Variants in WFDC6 observed in about 807,000 individuals in gnomAD.
WFDC6 encodes WAP four-disulfide core domain protein 6.
Under a neutral mutation model 8.2 loss-of-function variants are expected in WFDC6, and 10 were observed. That is an observed-to-expected ratio of 1.22 (90% confidence interval 0.75 to 2.07). WFDC6 has a LOEUF of 2.07. Ranked by LOEUF, WFDC6 falls within the 30% of genes most tolerant of loss-of-function variation. The pLI is 0.00. For synonymous variants in WFDC6, 28 were observed against 37.0 expected (o/e 0.76, Z 0.88); for missense variants, 105 against 104.9 (o/e 1.00, Z 0.00).
intron 2 of WFDC6, chr20:45,535,406 C>T (rs1256951638): frequency 1.7e-6 from 2 of 1,211,854 alleles, no homozygotes; most frequent in Non-Finnish European, 1.1e-6. Context: ...CTTCTCTGGC[C>T]ACCATTCCCT....
intron 2 of WFDC6, among the ~76,000 whole-genome samples, chr20:45,534,760 T>C (rs529974258): frequency 2.6e-5 from 4 of 152,338 alleles, no homozygotes; most frequent in Admixed American, 6.5e-5. Flanking sequence ...TGATTTGGTT[T>C]GGCCAATAAA....
chr20:45,538,403 C>T (rs753825639), intron 1 of WFDC6, among the ~76,000 whole-genome samples: 3 of 152,194 alleles, frequency 2.0e-5, no homozygotes, highest in Admixed American at 6.5e-5. Flanking sequence ...TGGTTGCTCC[C>T]CCAGGAGGTG....
At position 45,538,040 on chromosome 20, in the gene WFDC6, G is replaced by A; in HGVS notation, c.146C>T (p.Thr49Ile). 6 of 1,613,976 alleles carry A rather than the reference G, an allele frequency of 3.7e-6. No homozygotes were observed. The highest frequency in any genetic ancestry group is 5.1e-6 in the Non-Finnish European group (6 of 1,179,928). Residue 49 changes from threonine (T) to isoleucine (I), a missense_variant, in exon 2 of 3, where the codon ACC becomes ATC. By Grantham distance (89) the Thr-to-Ile change is moderately conservative. Coordinates refer to ENST00000372670, the MANE Select transcript of WFDC6 (RefSeq NM_080827.2). ...GTTTTCTGGGCAATCTCTGGGTTTG[G>A]TACACTGGTCTATTTCTTCCACTTC... ...ECEVEEIDQC[T>I]KPRDCPENMK...
chr20:45,537,686 G>A, intron 2 of WFDC6: 6 of 1,145,784 alleles, frequency 5.2e-6, no homozygotes, highest in Non-Finnish European at 5.1e-6. Context: ...GTAGCCAAGA[G>A]ACCATGTGGT....
Position 45,539,402 on chromosome 20 carries a change from T to A in WFDC6, c.6A>T (p.Gly2=). 6.2e-7 allele frequency: 1 copy of A among 1,613,438 alleles called. No individual in the cohort carries two copies. The highest frequency in any genetic ancestry group is 8.5e-7 in the Non-Finnish European group (1 of 1,179,672). The part of the protein sequence containing the change: M[G]LSGLLPILVP... ...CCAGGATTGGCAGAAGTCCTGAGAG[T>A]CCCATTTTAGGAAGTACTGGCCTGG... Residue 2 remains glycine (G), a synonymous_variant, in exon 1 of 3, where the codon GGA becomes GGT. Transcript: ENST00000372670.
Position 45,538,091 on chromosome 20 carries a change from G to T in WFDC6, c.95C>A (p.Pro32Gln). The T allele has an allele frequency of 6.2e-7, 1 of 1,613,782 alleles. No homozygotes were observed. The highest frequency in any genetic ancestry group is 8.5e-7 in the Non-Finnish European group (1 of 1,179,838). Residue 32 changes from proline (P) to glutamine (Q), a missense_variant, in exon 2 of 3, where the codon CCG becomes CAG. By Grantham distance (76) the Pro-to-Gln change is moderately conservative. Coordinates refer to ENST00000372670, the MANE Select transcript of WFDC6 (RefSeq NM_080827.2). ...GCATTCCACTTTGATTTTGGGACAC[G>T]GCTCTAAGGGAGGGGAAGATATATT... ...PGHAEGILGK[P>Q]CPKIKVECEV... is the part of the protein sequence containing the mutation.
intron 2 of WFDC6, chr20:45,537,542 CAGA>C: frequency 4.5e-6 from 7 of 1,550,000 alleles, no homozygotes; most frequent in Non-Finnish European, 6.1e-6. Flanking sequence ...TTTATGTAGA[CAGA>C]GAGGCCTAGA....
At chr20:45,535,558 G>A (rs1979335216) in intron 2 of WFDC6, among the ~76,000 whole-genome samples, 1 of 152,150 alleles carries the variant, frequency 6.6e-6, no homozygotes, top group African/African-American at 2.4e-5. Context: ...TCGCCTAACA[G>A]GGCTGTTGGA....
intron 1 of WFDC6, among the ~76,000 whole-genome samples, chr20:45,538,772 G>T (rs1010884527): frequency 5.3e-5 from 8 of 152,160 alleles, no homozygotes; most frequent in African/African-American, 1.7e-4. Flanking sequence ...AGCTACTCAG[G>T]GGTGGAGCCA....
Position 45,539,401 on chromosome 20 carries a change from G to A in WFDC6, c.7C>T (p.Leu3Phe), listed in dbSNP as rs1568987359. 6.2e-7 allele frequency: 1 copy of A among 1,613,802 alleles called. No homozygotes were observed. The highest frequency in any genetic ancestry group is 1.1e-5 in the South Asian group (1 of 91,084). Residue 3 changes from leucine to phenylalanine, a missense_variant, in exon 1 of 3, where the codon CTC (leucine) becomes TTC (phenylalanine). Transcript: ENST00000372670. MGLSGLLPILVPF... is the reference protein window; with the variant it reads MGFSGLLPILVPF... ...ACCAGGATTGGCAGAAGTCCTGAGAGTCCCATTTTAGGAAGTACTGGCCTG... is the reference window on the plus strand; with the variant it reads ...ACCAGGATTGGCAGAAGTCCTGAGAATCCCATTTTAGGAAGTACTGGCCTG...
chr20:45,539,308 A>G lies in WFDC6; in HGVS notation c.91+9T>C. The G allele has an allele frequency of 6.2e-7, 1 of 1,613,556 alleles. No individual in the cohort carries two copies. Among genetic ancestry groups the G allele is most frequent in the Non-Finnish European group, 8.5e-7 (1 of 1,179,576 alleles). On this transcript the variant is annotated intron_variant, in intron 1 of 2. Coordinates refer to ENST00000372670, the MANE Select transcript of WFDC6 (RefSeq NM_080827.2). ...TCCCCATTGCAAGGACGGAGTTCCCAATACTTACTGCCAAGGATGCCTTCA... is the reference window on the plus strand; with the variant it reads ...TCCCCATTGCAAGGACGGAGTTCCCGATACTTACTGCCAAGGATGCCTTCA...
intron 2 of WFDC6, chr20:45,535,213 G>A: frequency 7.7e-7 from 1 of 1,304,264 alleles, no homozygotes; most frequent in African/African-American, 1.5e-5. Flanking sequence ...AGTTGTTATT[G>A]TTCCCCTGGC....
At chr20:45,535,256 G>GT (rs756318582) in intron 2 of WFDC6, 17 of 1,304,114 alleles carry the variant, frequency 1.3e-5, no homozygotes, top group Middle Eastern at 2.1e-4. Flanking sequence ...GCAGATCTTA[G>GT]TTTTTTTTAT....
chr20:45,539,021 G>A (rs1979481009), intron 1 of WFDC6, among the ~76,000 whole-genome samples: 1 of 152,068 alleles, frequency 6.6e-6, no homozygotes, highest in South Asian at 2.1e-4. Context: ...TTTTCTTGTG[G>A]GAGACTTCCT....
Position 45,539,424 on chromosome 20 carries a change from CT to C in WFDC6, c.-18del. 1 of 1,611,806 alleles carries C rather than the reference CT, an allele frequency of 6.2e-7. No homozygotes were observed. Among genetic ancestry groups the C allele is most frequent in the Non-Finnish European group, 8.5e-7 (1 of 1,178,074 alleles). On this transcript the variant is annotated 5_prime_UTR_variant, in exon 1 of 3. Coordinates refer to ENST00000372670, the MANE Select transcript of WFDC6 (RefSeq NM_080827.2). Reference sequence around the variant, plus strand: ...GAGTCCCATTTTAGGAAGTACTGGCCTGGTTGATGGCACCAAAACTAAGAAC... The same window carrying C: ...GAGTCCCATTTTAGGAAGTACTGGCCGGTTGATGGCACCAAAACTAAGAAC...
rs1324815346 is a variant in WFDC6 at position 45,534,488 on chromosome 20, G to A, written c.240C>T (p.Tyr80=). 2 of 1,614,000 alleles carry A rather than the reference G, an allele frequency of 1.2e-6. No homozygotes were observed. The highest frequency in any genetic ancestry group is 2.2e-5 in the East Asian group (1 of 44,884). The part of the protein sequence containing the change: ...LDFRKVSLTL[Y]HKEELE ...GAGGTTATTCAAGCTCCTCCTTATG[G>A]TATAAAGTAAGGCTGACCTGTGAAG... Residue 80 remains tyrosine, a synonymous_variant, in exon 3 of 3, where the codon TAC becomes TAT. Transcript: ENST00000372670.
At chr20:45,536,814 G>T (rs1979382909) in intron 2 of WFDC6, 2 of 153,722 alleles carry the variant, frequency 1.3e-5, no homozygotes, top group Non-Finnish European at 2.9e-5. Flanking sequence ...TACTCTGAAA[G>T]ATACCAGCCT....
At position 45,538,106 on chromosome 20, in the gene WFDC6, G is replaced by A. The variant is rs751560257; in HGVS notation, c.92-12C>T. ...TTTGGGACACGGCTCTAAGGGAGGG[G>A]AAGATATATTCCCTCAAGGCCTTAA... is the stretch of plus-strand genomic sequence containing the variant. On this transcript the variant is annotated splice_polypyrimidine_tract_variant and intron_variant, in intron 1 of 2. Coordinates refer to ENST00000372670, the MANE Select transcript of WFDC6 (RefSeq NM_080827.2). 6 of 1,613,688 alleles carry A rather than the reference G, an allele frequency of 3.7e-6. No individual in the cohort carries two copies. The African/African-American group carries it at 6.7e-5, about 18-fold the overall frequency.
Position 45,534,474 on chromosome 20 carries a change from A to G in WFDC6, c.254T>C (p.Leu85Pro). 5 of 1,614,052 alleles carry G rather than the reference A, an allele frequency of 3.1e-6. No individual in the cohort carries two copies. The highest frequency in any genetic ancestry group is 4.2e-6 in the Non-Finnish European group (5 of 1,179,926). The change falls in exon 3 of 3, where the codon CTT (leucine) becomes CCT (proline). Residue 85 changes from leucine to proline, a missense_variant. Coordinates refer to ENST00000372670, the MANE Select transcript of WFDC6 (RefSeq NM_080827.2). The stretch of plus-strand genomic sequence containing the variant: ...TGAGCCAAATCCTGGAGGTTATTCA[A>G]GCTCCTCCTTATGGTATAAAGTAAG... Reference protein sequence around the residue: ...VSLTLYHKEELE With the variant: ...VSLTLYHKEEPE
Sources: gnomAD v4.1 joint callset for allele counts (sites outside exome capture counted in the v4.1 genomes callset) on GRCh38, gnomAD v4.1.1 for gene constraint, MANE v1.5 for transcripts, NCBI Gene and HGNC (gene_info 2026-07-23, HGNC 2026-07-21) for gene names.